The following CELF4 variants were observed in gnomAD, a reference collection of about 807,000 sequenced individuals.
The protein encoded by CELF4 is CUGBP Elav-like family member 4.
CELF4 carries 18 observed loss-of-function variants against 59.9 expected under a neutral mutation model. The observed-to-expected ratio is 0.30, with a 90% CI of 0.21 to 0.45. The LOEUF (loss-of-function observed/expected upper bound fraction) is 0.45. Ranked by LOEUF, CELF4 falls within the 20% of genes least tolerant of loss-of-function variation. CELF4 has a pLI of 1.00. For synonymous variants in CELF4, 261 were observed against 267.1 expected (o/e 0.98, Z 0.22); for missense variants, 456 against 689.0 (o/e 0.66, Z 3.79).
In CELF4 at chr18:37,254,245, C is replaced by T. The variant is rs1201579656; in HGVS notation, c.1334-307G>A. On this transcript the variant is annotated intron_variant, in intron 11 of 12. Coordinates refer to ENST00000420428, the MANE Select transcript of CELF4 (RefSeq NM_020180.4). The surrounding 1 kb of genome is among the most constrained non-coding windows in gnomAD (Gnocchi z 5.1). ...GGCGGCGCTGGGAGAGGCGCCCGCCCCCCACCCCCGCCGGCCCCGGCACCT... is the reference window on the plus strand; with the variant it reads ...GGCGGCGCTGGGAGAGGCGCCCGCCTCCCACCCCCGCCGGCCCCGGCACCT... Among the ~76,000 whole-genome samples the T allele has an allele frequency of 6.6e-6, 1 of 151,358 alleles. No homozygotes were observed. Among genetic ancestry groups the T allele is most frequent in the East Asian group, 2.0e-4 (1 of 5,126 alleles).
chr18:37,564,739 C>G (rs1208464849), intron 1 of CELF4, among the ~76,000 whole-genome samples: 5 of 151,550 alleles, frequency 3.3e-5, no homozygotes, highest in Non-Finnish European at 7.4e-5. Flanking sequence ...AAACATCCAA[C>G]CCCCCCACCC....
intron 2 of CELF4, among the ~76,000 whole-genome samples, chr18:37,456,000 C>G (rs1224293084): frequency 6.6e-6 from 1 of 152,210 alleles, no homozygotes; most frequent in African/African-American, 2.4e-5. Flanking sequence ...CACTGAGTGA[C>G]TTCTTGTTGC....
intron 2 of CELF4, among the ~76,000 whole-genome samples, chr18:37,412,830 TGACTG>T (rs2099485374): frequency 6.6e-6 from 1 of 151,862 alleles, no homozygotes; most frequent in African/African-American, 2.4e-5. Flanking sequence ...TTTCAGGTGT[TGACTG>T]GACTGAGCGG....
intron 2 of CELF4, among the ~76,000 whole-genome samples, chr18:37,367,707 T>C (rs1480156361): frequency 2.0e-5 from 3 of 151,632 alleles, no homozygotes; most frequent in Admixed American, 1.3e-4. Flanking sequence ...TTTTTTTTTT[T>C]CTTAAAAGAG....
At chr18:37,361,701 C>T (rs2098705460) in intron 2 of CELF4, among the ~76,000 whole-genome samples, 1 of 152,156 alleles carries the variant, frequency 6.6e-6, no homozygotes, top group South Asian at 2.1e-4. Flanking sequence ...TCTTTCCCTC[C>T]TAAGGGGTCA....
rs758363861 is a variant in CELF4, at chr18:37,275,155, C to T, written c.537G>A (p.Glu179=). Residue 179 remains glutamate (E), a synonymous_variant, in exon 4 of 13, where the codon GAG becomes GAA. Coordinates refer to ENST00000420428, the MANE Select transcript of CELF4 (RefSeq NM_020180.4). The stretch of plus-strand genomic sequence containing the variant: ...CGGGCCCGCGCAGGATGGTGCACTC[C>T]TCGATGTTCCCAAAGGCCTCGAAAA... The part of the protein sequence containing the change: ...RRLFEAFGNI[E]ECTILRGPDG... 2 of 1,613,586 alleles carry T rather than the reference C, an allele frequency of 1.2e-6. No individual in the cohort carries two copies. The highest frequency in any genetic ancestry group is 8.5e-7 in the Non-Finnish European group (1 of 1,179,882).
chr18:37,250,133 T>C lies in CELF4; in HGVS notation c.*44+3634A>G, dbSNP rs1163732918. Among the ~76,000 whole-genome samples, 4 of 152,196 alleles carry C rather than the reference T, an allele frequency of 2.6e-5. No individual in the cohort carries two copies. The East Asian group carries it at 7.7e-4, about 29-fold the overall frequency. On this transcript the variant is annotated intron_variant, in intron 12 of 12. Coordinates refer to ENST00000420428, the MANE Select transcript of CELF4 (RefSeq NM_020180.4). Reference sequence around the variant, plus strand: ...GCTGGGCGGGGCCAGGCTGGGTGTGTTCTGCCCGCTGGCTATGGACCTGGC... The same window carrying C: ...GCTGGGCGGGGCCAGGCTGGGTGTGCTCTGCCCGCTGGCTATGGACCTGGC...
At chr18:37,545,578 C>G (rs1023089523) in intron 1 of CELF4, among the ~76,000 whole-genome samples, 2 of 152,180 alleles carry the variant, frequency 1.3e-5, no homozygotes, top group African/African-American at 4.8e-5. Context: ...TCTCCCTGGG[C>G]CCCACTCTGG....
intron 1 of CELF4, among the ~76,000 whole-genome samples, chr18:37,545,715 G>GTC (rs377058067): frequency 1.3e-5 from 2 of 151,152 alleles, no homozygotes; most frequent in African/African-American, 4.9e-5. Flanking sequence ...TGGCTGCCCC[G>GTC]TCTCTCTCTC....
chr18:37,487,620 G>A (rs1467780264), intron 1 of CELF4, among the ~76,000 whole-genome samples: 2 of 152,134 alleles, frequency 1.3e-5, no homozygotes, highest in Non-Finnish European at 2.9e-5. Context: ...TTCTCCCGGG[G>A]GCGTCTTTCC....
At chr18:37,408,502 C>A (rs111672204) in intron 2 of CELF4, among the ~76,000 whole-genome samples, 10,866 of 55,740 alleles carry the variant, frequency 0.19, 759 homozygotes, top group African/African-American at 0.3. Context: ...CGGGGGGGGG[C>A]GCGGTGCAGG....
chr18:37,351,548 T>A (rs2098440699), intron 2 of CELF4, among the ~76,000 whole-genome samples: 2 of 152,154 alleles, frequency 1.3e-5, no homozygotes, highest in African/African-American at 4.8e-5. Flanking sequence ...TATATTCAAT[T>A]TTGAGCCAGT....
chr18:37,323,545 A>G (rs1026257962), intron 2 of CELF4, among the ~76,000 whole-genome samples: 7 of 152,126 alleles, frequency 4.6e-5, no homozygotes, highest in African/African-American at 1.7e-4. Flanking sequence ...GGAGGGAGCC[A>G]GGTTGCTCCT....
intron 2 of CELF4, among the ~76,000 whole-genome samples, chr18:37,405,095 C>G (rs1030054075): frequency 1.6e-4 from 24 of 152,254 alleles, no homozygotes; most frequent in African/African-American, 5.1e-4. Context: ...GGCCCCAACC[C>G]CCCCCGTGTC....
At chr18:37,283,575 T>G (rs2094400616) in intron 3 of CELF4, among the ~76,000 whole-genome samples, 1 of 152,168 alleles carries the variant, frequency 6.6e-6, no homozygotes, top group Admixed American at 6.5e-5. Context: ...ATGAATCCAT[T>G]TGCTCAATGA....
intron 2 of CELF4, among the ~76,000 whole-genome samples, chr18:37,329,175 G>T (rs2154529893): frequency 6.6e-6 from 1 of 152,302 alleles, no homozygotes; most frequent in South Asian, 2.1e-4. Context: ...ATGCCTGGAG[G>T]GTGCCTTCAG....
At chr18:37,259,784 G>C (rs2073138035) in intron 10 of CELF4, among the ~76,000 whole-genome samples, 1 of 152,152 alleles carries the variant, frequency 6.6e-6, no homozygotes, top group Admixed American at 6.5e-5. Context: ...CTGGCCTGCA[G>C]CCTCTCTTTC....
At chr18:37,543,154 C>A (rs1403489491) in intron 1 of CELF4, among the ~76,000 whole-genome samples, 1 of 152,194 alleles carries the variant, frequency 6.6e-6, no homozygotes, top group African/African-American at 2.4e-5. Context: ...AACTCTAAAT[C>A]CAGCATGAAC....
At chr18:37,509,559 C>T (rs2099941930) in intron 1 of CELF4, among the ~76,000 whole-genome samples, 1 of 152,218 alleles carries the variant, frequency 6.6e-6, no homozygotes, top group Non-Finnish European at 1.5e-5. Flanking sequence ...GTATTGAGTT[C>T]ATCTGAATCA....
Sources: allele counts gnomAD v4.1 joint callset (sites outside exome capture counted in the v4.1 genomes callset), GRCh38; gene constraint gnomAD v4.1.1; non-coding constraint Gnocchi (gnomAD v3.1); transcripts MANE v1.5; gene names NCBI Gene and HGNC (gene_info 2026-07-23, HGNC 2026-07-21).